The following ESYT3 variants were observed in gnomAD, a reference collection of about 807,000 sequenced individuals.
The protein encoded by ESYT3 is extended synaptotagmin-3.
A neutral mutation model predicts 111.5 loss-of-function variants in ESYT3; 101 were observed. That is an observed-to-expected ratio of 0.91 (90% CI 0.77 to 1.07). ESYT3 has a LOEUF of 1.07. Ranked by LOEUF, ESYT3 falls within the 50% of genes least tolerant of loss-of-function variation. The probability of loss-of-function intolerance (pLI) is 0.00; values close to 1 mark genes in which losing one functional copy is unlikely to be tolerated. For synonymous variants in ESYT3, 416 were observed against 446.8 expected (o/e 0.93, Z 0.87); for missense variants, 1,097 against 1,109.4 (o/e 0.99, Z 0.16).
At chr3:138,469,564 G>C in intron 15 of ESYT3, 60 bp downstream of exon 15, 1 of 1,450,156 alleles carries the variant, frequency 6.9e-7, no homozygotes, top group South Asian at 1.2e-5. Context: ...CCTTCTCAGG[G>C]AGAGAGGCAA....
chr3:138,451,362 C>A (rs1169688826), intron 1 of ESYT3, among the ~76,000 whole-genome samples: 2 of 152,216 alleles, frequency 1.3e-5, no homozygotes, highest in East Asian at 3.8e-4. Flanking sequence ...GCACCCCACT[C>A]CTTAGTTGTC....
rs1273953929 is a variant in ESYT3, at chr3:138,458,763, C to A, written c.582-424C>A. On this transcript the variant is annotated intron_variant, in intron 4 of 22. Coordinates refer to ENST00000389567, the MANE Select transcript of ESYT3 (RefSeq NM_031913.5). ...GCACCTGGGATGTAAGCAGTGGGGG[C>A]TGCTTCTGTGTCCCCATGAAAGACA... Among the ~76,000 whole-genome samples, 2 of 152,224 alleles carry A rather than the reference C, an allele frequency of 1.3e-5. 1 individual carries two copies. The highest frequency in any genetic ancestry group is 4.1e-4 in the South Asian group (2 of 4,834).
At chr3:138,469,947 C>A in intron 15 of ESYT3, 113 bp from the exon 16 acceptor site, 4 of 789,634 alleles carry the variant, frequency 5.1e-6, no homozygotes, top group Non-Finnish European at 8.0e-6. Flanking sequence ...GATCCCAGGG[C>A]ATATAGGTAA....
intron 1 of ESYT3, among the ~76,000 whole-genome samples, chr3:138,441,205 C>T (rs148692942): frequency 6.6e-6 from 1 of 152,310 alleles, no homozygotes; most frequent in East Asian, 1.9e-4. Flanking sequence ...GATTCTGGGA[C>T]AGCAATGTAT....
intron 10 of ESYT3, 70 bp downstream of exon 10, chr3:138,465,491 C>T (rs370023194): frequency 5.7e-6 from 7 of 1,224,718 alleles, no homozygotes; most frequent in Non-Finnish European, 8.1e-6. Flanking sequence ...GGCTAGATAC[C>T]CTGCTCCTAC....
At chr3:138,447,476 G>A (rs2031620434) in intron 1 of ESYT3, among the ~76,000 whole-genome samples, 1 of 152,126 alleles carries the variant, frequency 6.6e-6, no homozygotes, top group African/African-American at 2.4e-5. Context: ...GAGCAGAATA[G>A]CAATTTATTG....
intron 2 of ESYT3, among the ~76,000 whole-genome samples, chr3:138,453,764 G>A (rs2032093318): frequency 6.6e-6 from 1 of 152,190 alleles, no homozygotes; most frequent in Non-Finnish European, 1.5e-5. Flanking sequence ...GGTCCTGCAT[G>A]AATCCCCAGA....
At position 138,478,596 on chromosome 3, in the gene ESYT3, C is replaced by CACAA. The variant is rs1046233810; in HGVS notation, c.*1746_*1749dup. ...TACCCCTCTTCTTCCAAACTTAAAC[C>CACAA]ACAAACATTTATTTTAAACGTGGTC... On this transcript the variant is annotated 3_prime_UTR_variant, in exon 23 of 23. Coordinates refer to ENST00000389567, the MANE Select transcript of ESYT3 (RefSeq NM_031913.5). 97 of 152,222 alleles carry CACAA rather than the reference C, an allele frequency of 6.4e-4. No homozygotes were observed. The highest frequency in any genetic ancestry group is 2.2e-3 in the African/African-American group (92 of 41,544). 9.4% of individuals were successfully genotyped at this position (152,222 alleles called of 1,614,324 possible).
chr3:138,436,522 G>A (rs2030706560), intron 1 of ESYT3, among the ~76,000 whole-genome samples: 1 of 152,222 alleles, frequency 6.6e-6, no homozygotes. Flanking sequence ...TTTAATGTAC[G>A]ATTTGATGGT....
At chr3:138,471,839 C>T (rs2033235935) in intron 17 of ESYT3, among the ~76,000 whole-genome samples, 1 of 152,204 alleles carries the variant, frequency 6.6e-6, no homozygotes, top group South Asian at 2.1e-4. Flanking sequence ...ACTCAAAATT[C>T]ATATGAGGAC....
chr3:138,456,973 C>G (rs2032312236), intron 3 of ESYT3, among the ~76,000 whole-genome samples: 1 of 152,142 alleles, frequency 6.6e-6, no homozygotes, highest in South Asian at 2.1e-4. Context: ...ATTCAGCACT[C>G]TTCATGTCCT....
At chr3:138,473,740 A>G in intron 19 of ESYT3, 106 bp downstream of exon 19, 3 of 962,810 alleles carry the variant, frequency 3.1e-6, no homozygotes, top group Middle Eastern at 5.1e-4. Context: ...CCCAAGATAA[A>G]TAACACTTTG....
intron 22 of ESYT3, 88 bp from the exon 23 acceptor site, chr3:138,476,730 G>A: frequency 7.4e-7 from 1 of 1,352,278 alleles, no homozygotes; most frequent in South Asian, 1.2e-5. Context: ...TCTTACAGAG[G>A]CCCAGGCAGG....
chr3:138,479,463 C>T lies in ESYT3; in HGVS notation c.*2609C>T, dbSNP rs903710513. 6.6e-6 allele frequency: 1 copy of T among 152,254 alleles called. No homozygotes were observed. The highest frequency in any genetic ancestry group is 1.5e-5 in the Non-Finnish European group (1 of 68,048). The allele number at this position is 152,254 out of a possible 1,614,324, so 9.4% of individuals were successfully genotyped here. On this transcript the variant is annotated 3_prime_UTR_variant, in exon 23 of 23. Coordinates refer to ENST00000389567, the MANE Select transcript of ESYT3 (RefSeq NM_031913.5). ...TGTGTCAGTCACTAATTCATTACCT[C>T]TCAGCTTCAAATTGACGTCTGTCTC...
At chr3:138,465,220 C>G (rs1481613668) in intron 9 of ESYT3, 119 bp from the exon 10 acceptor site, 2 of 667,388 alleles carry the variant, frequency 3.0e-6, no homozygotes, top group Non-Finnish European at 2.6e-6. Flanking sequence ...GGGTGGGGTT[C>G]TTGAGGCACT....
chr3:138,470,849 C>T, intron 16 of ESYT3, 28 bp from the exon 17 acceptor site: 1 of 1,613,780 alleles, frequency 6.2e-7, no homozygotes, highest in Admixed American at 1.7e-5. Context: ...TGGTTATCCT[C>T]TTGTTTTGTG....
intron 1 of ESYT3, among the ~76,000 whole-genome samples, chr3:138,443,289 T>C (rs2031291365): frequency 6.6e-6 from 1 of 152,232 alleles, no homozygotes; most frequent in African/African-American, 2.4e-5. Flanking sequence ...GTACTTGAGC[T>C]GGGTAATTTA....
At chr3:138,467,382 G>C (rs957846085) in intron 10 of ESYT3, among the ~76,000 whole-genome samples, 179 bp from the exon 11 acceptor site, 1 of 152,142 alleles carries the variant, frequency 6.6e-6, no homozygotes, top group Non-Finnish European at 1.5e-5. Context: ...AGCCCTGATG[G>C]TAGTTAGTCT....
intron 2 of ESYT3, among the ~76,000 whole-genome samples, chr3:138,452,469 C>T (rs757392960): frequency 2.0e-5 from 3 of 152,210 alleles, no homozygotes; most frequent in Non-Finnish European, 4.4e-5. Context: ...GGCAGACTGC[C>T]TAACACCTCT....
Sources: gnomAD v4.1 joint callset for allele counts (sites outside exome capture counted in the v4.1 genomes callset) on GRCh38, gnomAD v4.1.1 for gene constraint, MANE v1.5 for transcripts, NCBI Gene and HGNC (gene_info 2026-07-23, HGNC 2026-07-21) for gene names.